AKR1B10: variants seen among roughly 807,000 people sequenced by gnomAD.
AKR1B10 encodes aldo-keto reductase family 1 member B10.
Under a neutral mutation model 38.9 loss-of-function variants are expected in AKR1B10, and 39 were observed. The observed-to-expected ratio is 1.00, with a 90% CI of 0.78 to 1.31. The LOEUF (loss-of-function observed/expected upper bound fraction) is 1.31. Ranked by LOEUF, AKR1B10 falls within the 50% of genes most tolerant of loss-of-function variation. The pLI is 0.00. For synonymous variants in AKR1B10, 148 were observed against 141.2 expected (o/e 1.05, Z -0.34); for missense variants, 361 against 382.6 (o/e 0.94, Z 0.47).
At chr7:134,532,941 T>C in intron 3 of AKR1B10, 63 bp from the exon 4 acceptor site, 1 of 1,440,266 alleles carries the variant, frequency 6.9e-7, no homozygotes, top group Non-Finnish European at 9.6e-7. Flanking sequence ...TCCTGAAACC[T>C]TGTTGAACAG....
chr7:134,530,567 C>G, intron 1 of AKR1B10, 76 bp from the exon 2 acceptor site: 1 of 1,551,024 alleles, frequency 6.4e-7, no homozygotes, highest in Non-Finnish European at 8.8e-7. Flanking sequence ...GAGTGTGAGG[C>G]CAGCCTGGGC....
rs1485178167 is a variant in AKR1B10 at position 134,537,087 on chromosome 7, A to G, written c.589A>G (p.Ile197Val). ...CCCATACCTCACACAGGAGAAACTG[A>G]TCCAGTACTGCCACTCCAAGGGCAT... ...CHPYLTQEKL[I>V]QYCHSKGITV... The change falls in exon 6 of 10, where the codon ATC (isoleucine) becomes GTC (valine). Residue 197 changes from isoleucine (I) to valine (V), a missense_variant. Physicochemically the swap from Ile to Val is conservative, Grantham distance 29. Coordinates refer to ENST00000359579, the MANE Select transcript of AKR1B10 (RefSeq NM_020299.5). 3 of 1,591,378 alleles carry G rather than the reference A, an allele frequency of 1.9e-6. No homozygotes were observed. Among genetic ancestry groups the G allele is most frequent in the East Asian group, 4.5e-5 (2 of 44,056 alleles).
chr7:134,529,772 CTTTTCTTT>C lies in AKR1B10; in HGVS notation c.67-862_67-855del, dbSNP rs1373853617. On this transcript the variant is annotated intron_variant, in intron 1 of 9. Transcript: ENST00000359579. The stretch of plus-strand genomic sequence containing the variant: ...AAAATGTGATAATTCTATTTCCCTT[CTTTTCTTT>C]TTTTCTTTCTTTTCTTTTCTTTCCT... Among the ~76,000 whole-genome samples, 3 of 152,262 alleles carry C rather than the reference CTTTTCTTT, an allele frequency of 2.0e-5. No individual in the cohort carries two copies. In the East Asian group the frequency reaches 5.8e-4, roughly 29 times the overall value.
chr7:134,531,828 A>T, intron 2 of AKR1B10, 80 bp from the exon 3 acceptor site: 1 of 1,550,702 alleles, frequency 6.4e-7, no homozygotes, highest in East Asian at 2.3e-5. Flanking sequence ...TGAGGATGCA[A>T]ATCAAAAAGC....
intron 4 of AKR1B10, chr7:134,535,582 T>A: frequency 1.1e-6 from 1 of 921,622 alleles, no homozygotes; most frequent in Non-Finnish European, 1.3e-6. Context: ...CCCTCTTTTC[T>A]GTCTTTTTTT....
chr7:134,537,336 A>C lies in AKR1B10; in HGVS notation c.659+179A>C, dbSNP rs567037443. Among the ~76,000 whole-genome samples the C allele has an allele frequency of 4.3e-4, 65 of 152,212 alleles. 1 individual carries two copies. Among genetic ancestry groups the C allele is most frequent in the African/African-American group, 1.3e-3 (52 of 41,502 alleles). ...AAATGGGAATTAAACAACAACAACA[A>C]CACCAAGGGCGACATGCTTGACCCT... is the stretch of plus-strand genomic sequence containing the variant. On this transcript the variant is annotated intron_variant, in intron 6 of 9. Transcript: ENST00000359579.
At chr7:134,528,818 C>T (rs1807770502) in intron 1 of AKR1B10, among the ~76,000 whole-genome samples, 1 of 152,190 alleles carries the variant, frequency 6.6e-6, no homozygotes, top group Non-Finnish European at 1.5e-5. Flanking sequence ...ACCTAATGGG[C>T]ATCTGCACTT....
rs1165313370 is a variant in AKR1B10 at position 134,541,085 on chromosome 7, A to G, written c.947A>G (p.Tyr316Cys). Residue 316 changes from tyrosine to cysteine, a missense_variant, in exon 10 of 10, where the codon TAT becomes TGT. Tyr to Cys is a radical substitution (Grantham distance 194, BLOSUM62 -2). Around this residue, in one of 3 missense-constraint regions of AKR1B10, gnomAD observed 132 missense variants for 134.6 expected, o/e 0.98. Coordinates refer to ENST00000359579, the MANE Select transcript of AKR1B10 (RefSeq NM_020299.5). ...HLEDYPFNAE[Y>C] The stretch of plus-strand genomic sequence containing the variant: ...GAAGACTATCCCTTCAATGCAGAAT[A>G]TTGAGGTTGAATCTCCTGGTGAGAT... 2 of 1,576,020 alleles carry G rather than the reference A, an allele frequency of 1.3e-6. No homozygotes were observed. The highest frequency in any genetic ancestry group is 2.2e-5 in the East Asian group (1 of 44,552).
chr7:134,527,691 T>C lies in AKR1B10; in HGVS notation c.-221T>C, dbSNP rs929476515. On this transcript the variant is annotated 5_prime_UTR_variant, in exon 1 of 10. Transcript: ENST00000359579. ...GACCAGCCTGTCTCTACTAACAATA[T>C]AAAAATTAGCTGGGAGTCACGGTGG... 7.6e-6 allele frequency: 3 copies of C among 394,098 alleles called. No homozygotes were observed. Among genetic ancestry groups the C allele is most frequent in the African/African-American group, 4.0e-5 (2 of 49,470 alleles). 24.4% of individuals were successfully genotyped at this position (394,098 alleles called of 1,614,324 possible). A position where few individuals can be genotyped will look rare whatever the true frequency, so the allele number is the denominator to read the frequency against.
chr7:134,540,433 T>C (rs1808121786), intron 9 of AKR1B10, among the ~76,000 whole-genome samples: 1 of 152,142 alleles, frequency 6.6e-6, no homozygotes, highest in South Asian at 2.1e-4. Flanking sequence ...TACCTTCCTA[T>C]GAGCATCATT....
intron 9 of AKR1B10, among the ~76,000 whole-genome samples, chr7:134,540,084 G>T (rs1170336711): frequency 6.6e-6 from 1 of 152,100 alleles, no homozygotes; most frequent in African/African-American, 2.4e-5. Flanking sequence ...TGGGCGTGGT[G>T]GTGGGCACCT....
chr7:134,531,970 C>A lies in AKR1B10; in HGVS notation c.297C>A (p.Asp99Glu), dbSNP rs568395530. 1 of 1,614,092 alleles carries A rather than the reference C, an allele frequency of 6.2e-7. No individual in the cohort carries two copies. Among genetic ancestry groups the A allele is most frequent in the Non-Finnish European group, 8.5e-7 (1 of 1,179,984 alleles). Reference protein sequence around the residue: ...VRKAFEKTLKDLKLSYLDVYL... With the variant: ...VRKAFEKTLKELKLSYLDVYL... Reference sequence around the variant, plus strand: ...AAGCCTTTGAGAAGACCCTCAAGGACCTGAAGCTGAGCTATCTGGACGTCT... The same window carrying A: ...AAGCCTTTGAGAAGACCCTCAAGGAACTGAAGCTGAGCTATCTGGACGTCT... Residue 99 changes from aspartate to glutamate, a missense_variant, in exon 3 of 10, where the codon GAC (aspartate) becomes GAA (glutamate). Asp to Glu is a conservative substitution (Grantham distance 45). Around this residue, in one of 3 missense-constraint regions of AKR1B10, gnomAD observed 220 missense variants for 216.1 expected, o/e 1.02. Coordinates refer to ENST00000359579, the MANE Select transcript of AKR1B10 (RefSeq NM_020299.5).
Position 134,531,999 on chromosome 7 carries a change from T to C in AKR1B10, c.326T>C (p.Leu109Pro), listed in dbSNP as rs745623300. 3 of 1,614,130 alleles carry C rather than the reference T, an allele frequency of 1.9e-6. No homozygotes were observed. Among genetic ancestry groups the C allele is most frequent in the African/African-American group, 2.7e-5 (2 of 75,058 alleles). ...AAGCTGAGCTATCTGGACGTCTATC[T>C]TATTCACTGGCCACAGGGATTCAAG... ...DLKLSYLDVYLIHWPQGFKSG... is the reference protein window; with the variant it reads ...DLKLSYLDVYPIHWPQGFKSG... The change falls in exon 3 of 10, where the codon CTT (leucine) becomes CCT (proline). Residue 109 changes from leucine (L) to proline (P), a missense_variant. Leu to Pro is a moderately conservative substitution (Grantham distance 98). This residue lies in a region of AKR1B10 where 220 missense variants were observed against 216.1 expected (regional missense o/e 1.02). Coordinates refer to ENST00000359579, the MANE Select transcript of AKR1B10 (RefSeq NM_020299.5).
At chr7:134,534,855 C>T (rs1194257567) in intron 4 of AKR1B10, among the ~76,000 whole-genome samples, 1 of 152,306 alleles carries the variant, frequency 6.6e-6, no homozygotes, top group Admixed American at 6.5e-5. Flanking sequence ...ATTTGGATAA[C>T]ATCATATATC....
chr7:134,530,674 A>T lies in AKR1B10; in HGVS notation c.98A>T (p.Lys33Met). 6.2e-7 allele frequency: 1 copy of T among 1,614,066 alleles called. No individual in the cohort carries two copies. Among genetic ancestry groups the T allele is most frequent in the Non-Finnish European group, 8.5e-7 (1 of 1,179,946 alleles). ...SPLGKVKEAV[K>M]VAIDAGYRHI... ...CTTGGCAAAGTGAAAGAAGCAGTGA[A>T]GGTGGCCATTGATGCAGGATATCGG... The change falls in exon 2 of 10, where the codon AAG becomes ATG. Residue 33 changes from lysine to methionine, a missense_variant. Lys to Met is a moderately conservative substitution (Grantham distance 95). Coordinates refer to ENST00000359579, the MANE Select transcript of AKR1B10 (RefSeq NM_020299.5).
intron 4 of AKR1B10, among the ~76,000 whole-genome samples, chr7:134,534,918 T>G (rs1807955734): frequency 6.6e-6 from 1 of 152,154 alleles, no homozygotes; most frequent in Non-Finnish European, 1.5e-5. Context: ...AGTTTAAAAA[T>G]CCCAACGTCT....
intron 9 of AKR1B10, among the ~76,000 whole-genome samples, chr7:134,540,205 G>T (rs1296589108): frequency 6.6e-6 from 1 of 151,854 alleles, no homozygotes; most frequent in South Asian, 2.1e-4. Flanking sequence ...GTGACAGCGC[G>T]AGACTCTGTC....
intron 3 of AKR1B10, among the ~76,000 whole-genome samples, chr7:134,532,680 T>C (rs1383478516): frequency 6.6e-6 from 1 of 152,196 alleles, no homozygotes; most frequent in Non-Finnish European, 1.5e-5. Context: ...ATCTAATCCT[T>C]ATCCAGTAAT....
At chr7:134,539,780 A>G (rs374436382) in intron 9 of AKR1B10, among the ~76,000 whole-genome samples, 28 of 152,328 alleles carry the variant, frequency 1.8e-4, no homozygotes, top group African/African-American at 6.0e-4. Context: ...GGCATTCTAA[A>G]TCATCTCTTT....
Sources: allele counts gnomAD v4.1 joint callset (sites outside exome capture counted in the v4.1 genomes callset), GRCh38; gene constraint gnomAD v4.1.1; regional missense constraint gnomAD v4.1.1; transcripts MANE v1.5; gene names NCBI Gene and HGNC (gene_info 2026-07-23, HGNC 2026-07-21).